Variants in FSTL5 observed in about 807,000 individuals in gnomAD.
FSTL5 encodes follistatin like 5, also known as follistatin-related protein 5.
Under a neutral mutation model 89.1 loss-of-function variants are expected in FSTL5, and 62 were observed. That is an observed-to-expected ratio of 0.70 (90% CI 0.57 to 0.86). FSTL5 has a LOEUF of 0.86. FSTL5 is among the 40% of genes least tolerant of loss of function. The pLI is 0.00. For synonymous variants in FSTL5, 383 were observed against 346.2 expected, an observed-to-expected ratio of 1.11 and a Z score of -1.18; for missense variants, 1,057 against 1,001.6, an observed-to-expected ratio of 1.06 and a Z score of -0.75.
At chr4:161,749,221 C>T (rs1050476981) in intron 6 of FSTL5, among the ~76,000 whole-genome samples, 4 of 152,126 alleles carry the variant, frequency 2.6e-5, no homozygotes, top group Admixed American at 2.6e-4. Flanking sequence ...GAAAAGACAC[C>T]TGCATTCCTA....
intron 8 of FSTL5, among the ~76,000 whole-genome samples, chr4:161,553,707 C>A (rs1171155835): frequency 3.3e-5 from 5 of 151,360 alleles, no homozygotes; most frequent in African/African-American, 1.2e-4. Context: ...CATCCACATT[C>A]ATTAAATTAT....
chr4:161,940,039 C>T (rs935607971), intron 3 of FSTL5, among the ~76,000 whole-genome samples: 4 of 151,810 alleles, frequency 2.6e-5, no homozygotes, highest in Non-Finnish European at 5.9e-5. Flanking sequence ...AGACATAAGC[C>T]CATGATTTCA....
chr4:161,634,778 T>C (rs1404054314), intron 7 of FSTL5, among the ~76,000 whole-genome samples: 1 of 152,092 alleles, frequency 6.6e-6, no homozygotes, highest in Non-Finnish European at 1.5e-5. Flanking sequence ...GGGTACGAAG[T>C]TTCTATTATG....
At chr4:161,798,305 A>G (rs1462440055) in intron 4 of FSTL5, among the ~76,000 whole-genome samples, 1 of 151,614 alleles carries the variant, frequency 6.6e-6, no homozygotes, top group African/African-American at 2.4e-5. Context: ...CCTGTTCCAA[A>G]AAAACATACT....
chr4:161,661,297 TG>T (rs1194464220), intron 6 of FSTL5, among the ~76,000 whole-genome samples: 1 of 152,148 alleles, frequency 6.6e-6, no homozygotes, highest in East Asian at 1.9e-4. Context: ...TCATTAAATC[TG>T]TTTAAACACT....
intron 6 of FSTL5, among the ~76,000 whole-genome samples, chr4:161,756,748 G>T (rs1405737185): frequency 6.6e-6 from 1 of 151,992 alleles, no homozygotes. Flanking sequence ...CAGTGTCTTT[G>T]CTGGCTATCA....
intron 4 of FSTL5, among the ~76,000 whole-genome samples, chr4:161,877,931 G>A (rs1238283502): frequency 6.6e-6 from 1 of 151,714 alleles, no homozygotes; most frequent in Non-Finnish European, 1.5e-5. Flanking sequence ...TGGGATTACA[G>A]GCATGAGTAA....
intron 15 of FSTL5, among the ~76,000 whole-genome samples, chr4:161,446,844 T>G (rs1578980966): frequency 6.6e-6 from 1 of 152,028 alleles, no homozygotes; most frequent in South Asian, 2.1e-4. Context: ...GGAGTGTTTT[T>G]ACTAATGAGG....
chr4:161,935,183 T>C (rs1011473717), intron 3 of FSTL5, among the ~76,000 whole-genome samples: 3 of 152,120 alleles, frequency 2.0e-5, no homozygotes, highest in Non-Finnish European at 4.4e-5. Flanking sequence ...AGAGCTCTTG[T>C]GTTGCAGGGC....
At chr4:161,462,365 G>T (rs142977879) in intron 13 of FSTL5, among the ~76,000 whole-genome samples, 196 of 152,238 alleles carry the variant, frequency 1.3e-3, no homozygotes, top group African/African-American at 4.5e-3. Flanking sequence ...TCTATTGGAG[G>T]TTAACAAGAA....
At chr4:161,806,015 C>A (rs1729954339) in intron 4 of FSTL5, among the ~76,000 whole-genome samples, 2 of 152,054 alleles carry the variant, frequency 1.3e-5, no homozygotes, top group South Asian at 2.1e-4. Context: ...AAAAATTAAA[C>A]TTTGTCATAG....
chr4:162,036,182 T>C (rs1737731953), intron 2 of FSTL5, among the ~76,000 whole-genome samples: 1 of 152,112 alleles, frequency 6.6e-6, no homozygotes, highest in African/African-American at 2.4e-5. Flanking sequence ...ACCTCACCAT[T>C]GAACTTCAGA....
intron 10 of FSTL5, among the ~76,000 whole-genome samples, chr4:161,530,845 A>C (rs1731387399): frequency 6.6e-6 from 1 of 152,112 alleles, no homozygotes. Context: ...ATTTAACTTC[A>C]TATTGAGGAT....
chr4:161,924,243 TAA>T (rs929614107), intron 3 of FSTL5, among the ~76,000 whole-genome samples: 3 of 151,314 alleles, frequency 2.0e-5, no homozygotes, highest in Admixed American at 1.3e-4. Flanking sequence ...TCCACAAATT[TAA>T]AAAGAGATAA....
chr4:161,975,184 A>C lies in FSTL5; in HGVS notation c.161-54532T>G, dbSNP rs1224860890. 3.4e-3 allele frequency among the ~76,000 whole-genome samples: 447 copies of C among 132,406 alleles called. 4 individuals are homozygous for C. The highest frequency in any genetic ancestry group is 0.013 in the African/African-American group (431 of 32,798). The allele number at this position is 132,406 out of a possible 152,430, so 86.9% of individuals were successfully genotyped here. A position where few individuals can be genotyped will look rare whatever the true frequency, so the allele number is the denominator to read the frequency against. ...TGTAAACTAGTTCAACCATTGTGGA[A>C]GTCAGTGTGGCGATTCCTCAGGGAT... On this transcript the variant is annotated intron_variant, in intron 3 of 15. Transcript: ENST00000306100.
intron 6 of FSTL5, among the ~76,000 whole-genome samples, chr4:161,731,407 T>C (rs978292639): frequency 1.3e-5 from 2 of 152,046 alleles, no homozygotes; most frequent in Non-Finnish European, 2.9e-5. Flanking sequence ...GGGGCAGATT[T>C]CCCCCTTGCT....
chr4:161,845,020 G>A (rs1189882645), intron 4 of FSTL5, among the ~76,000 whole-genome samples: 1 of 152,100 alleles, frequency 6.6e-6, no homozygotes, highest in Non-Finnish European at 1.5e-5. Context: ...TACTTGGGAA[G>A]TTATTGCTTG....
At chr4:161,387,002 C>T (rs908720476) in intron 15 of FSTL5, 3 of 152,654 alleles carry the variant, frequency 2.0e-5, no homozygotes, top group African/African-American at 4.8e-5. Context: ...TATTTGTTAT[C>T]CTATACTGAA....
intron 6 of FSTL5, among the ~76,000 whole-genome samples, chr4:161,733,550 C>T (rs986320982): frequency 7.9e-5 from 12 of 152,008 alleles, no homozygotes; most frequent in Non-Finnish European, 1.5e-4. Flanking sequence ...GTTGAATACA[C>T]GTGGTGAGAG....
Sources: gnomAD v4.1 joint callset for allele counts (sites outside exome capture counted in the v4.1 genomes callset) on GRCh38, gnomAD v4.1.1 for gene constraint, MANE v1.5 for transcripts, NCBI Gene and HGNC (gene_info 2026-07-23, HGNC 2026-07-21) for gene names.